EIF5B: variants seen among roughly 807,000 people sequenced by gnomAD.
The protein encoded by EIF5B is eIF-5B.
EIF5B carries 47 observed loss-of-function variants against 147.5 expected under a neutral mutation model. The ratio of observed to expected loss-of-function variants is 0.32; its 90% CI spans 0.25 to 0.41. EIF5B has a LOEUF of 0.41. EIF5B is among the 10% of genes least tolerant of loss of function. The pLI, the probability that EIF5B is intolerant of heterozygous loss-of-function variation, is 1.00. For synonymous variants in EIF5B, 455 were observed against 456.2 expected, an observed-to-expected ratio of 1.00 and a Z score of 0.03; for missense variants, 1,064 against 1,413.2, an observed-to-expected ratio of 0.75 and a Z score of 3.96.
chr2:99,343,293 G>C (rs1259254190), intron 1 of EIF5B, among the ~76,000 whole-genome samples: 1 of 151,064 alleles, frequency 6.6e-6, no homozygotes, highest in Non-Finnish European at 1.5e-5. Context: ...AAGAGGTCTT[G>C]ATATAGTCTG....
chr2:99,399,079 C>CT (rs1186671128), intron 23 of EIF5B, 170 bp downstream of exon 23: 2 of 872,700 alleles, frequency 2.3e-6, no homozygotes, highest in Non-Finnish European at 3.4e-6. Flanking sequence ...GGAAGTTGCT[C>CT]TATCAGGAAA....
At chr2:99,359,908 A>G (rs1451779090) in intron 1 of EIF5B, among the ~76,000 whole-genome samples, 1 of 152,178 alleles carries the variant, frequency 6.6e-6, no homozygotes, top group Non-Finnish European at 1.5e-5. Context: ...ATGTTTTAAG[A>G]TCTCCCATTT....
intron 7 of EIF5B, 98 bp downstream of exon 7, chr2:99,368,689 C>G: frequency 3.5e-6 from 3 of 856,564 alleles, no homozygotes; most frequent in Non-Finnish European, 3.7e-6. Flanking sequence ...GGAAAAAATC[C>G]GAAATGCATA....
rs553793572 is a variant in EIF5B at position 99,393,716 on chromosome 2, T to C, written c.2881-551T>C. Among the ~76,000 whole-genome samples the C allele has an allele frequency of 3.1e-4, 47 of 152,132 alleles. 1 individual carries two copies. The highest frequency in any genetic ancestry group is 6.3e-4 in the Non-Finnish European group (43 of 68,028). On this transcript the variant is annotated intron_variant, in intron 18 of 23. Transcript: ENST00000289371. ...AGCTATCTTAGGGCCAGTGAGAGAA[T>C]AGGGCAGGCCTGTCTCTTCACCCAG...
intron 1 of EIF5B, among the ~76,000 whole-genome samples, chr2:99,341,583 G>A (rs979802390): frequency 1.3e-5 from 2 of 152,166 alleles, no homozygotes; most frequent in African/African-American, 2.4e-5. Context: ...AGTGTCAGTG[G>A]TTAGGTTAGA....
At chr2:99,352,630 C>A (rs1673995114) in intron 1 of EIF5B, among the ~76,000 whole-genome samples, 1 of 151,538 alleles carries the variant, frequency 6.6e-6, no homozygotes, top group African/African-American at 2.4e-5. Context: ...GCATGTGCCA[C>A]CGTGCCTGGC....
In EIF5B at chr2:99,371,683, G is replaced by A; in HGVS notation, c.1505G>A (p.Gly502Glu). 1.2e-6 allele frequency: 2 copies of A among 1,613,158 alleles called. No individual in the cohort carries two copies. The highest frequency in any genetic ancestry group is 1.7e-6 in the Non-Finnish European group (2 of 1,179,528). Residue 502 changes from glycine (G) to glutamate (E), a missense_variant, in exon 9 of 24, where the codon GGA becomes GAA. By Grantham distance (98) the Gly-to-Glu change is moderately conservative. Around this residue, in one of 4 missense-constraint regions of EIF5B, gnomAD observed 195 missense variants for 186.3 expected, o/e 1.05. Transcript: ENST00000289371. ...GAAGAAGAAGATACTGAGGATGCTGGATTGGATGATTGGGAAGCTATGGCC... is the reference window on the plus strand; with the variant it reads ...GAAGAAGAAGATACTGAGGATGCTGAATTGGATGATTGGGAAGCTATGGCC... Reference protein sequence around the residue: ...PEEEEDTEDAGLDDWEAMASD... With the variant: ...PEEEEDTEDAELDDWEAMASD...
chr2:99,367,023 G>A (rs1674341233), intron 6 of EIF5B, among the ~76,000 whole-genome samples: 1 of 152,164 alleles, frequency 6.6e-6, no homozygotes, highest in Non-Finnish European at 1.5e-5. Context: ...AATTCCCACT[G>A]TATAAAAATT....
chr2:99,377,094 C>G (rs966600304), intron 10 of EIF5B, among the ~76,000 whole-genome samples: 4 of 152,092 alleles, frequency 2.6e-5, no homozygotes, highest in Admixed American at 6.6e-5. Flanking sequence ...ATTTTTCCTA[C>G]TTAATGCAGT....
At chr2:99,389,880 C>T in intron 15 of EIF5B, 31 bp downstream of exon 15, 1 of 1,585,054 alleles carries the variant, frequency 6.3e-7, no homozygotes, top group Non-Finnish European at 8.5e-7. Context: ...TCTGAAGAGC[C>T]TATCTCAGAA....
In EIF5B at chr2:99,383,059, TG is replaced by T. The variant is rs1178557044; in HGVS notation, c.2271+139del. On this transcript the variant is annotated intron_variant, in intron 14 of 23. Transcript: ENST00000289371. ...TATATTGTGCTTCACAGATATTGTG[TG>T]TGTGTGTGTATTTGTGTATAGTTTT... The T allele has an allele frequency of 1.3e-5, 12 of 905,536 alleles. No homozygotes were observed. The African/African-American group carries it at 2.1e-4, about 16-fold the overall frequency. 56.1% of individuals were successfully genotyped at this position (905,536 alleles called of 1,614,324 possible). A position where few individuals can be genotyped will look rare whatever the true frequency, so the allele number is the denominator to read the frequency against.
chr2:99,400,968 A>G lies in EIF5B; in HGVS notation c.*1554A>G, dbSNP rs554858164. ...CAAAATATACATACAGTTCTTTATT[A>G]AACAACTGTAAACACTTCACTGTAA... On this transcript the variant is annotated 3_prime_UTR_variant, in exon 24 of 24. Transcript: ENST00000289371. 9.3e-6 allele frequency: 2 copies of G among 215,904 alleles called. No individual in the cohort carries two copies. Among genetic ancestry groups the G allele is most frequent in the Admixed American group, 1.1e-4 (2 of 18,950 alleles). 13.4% of individuals were successfully genotyped at this position (215,904 alleles called of 1,614,324 possible).
At chr2:99,338,285 A>G (rs773558108) in intron 1 of EIF5B, 2 of 1,283,806 alleles carry the variant, frequency 1.6e-6, no homozygotes, top group South Asian at 1.2e-5. Flanking sequence ...TGCTTTGGGG[A>G]GGGAGGATAA....
At chr2:99,341,691 A>G (rs1006927064) in intron 1 of EIF5B, among the ~76,000 whole-genome samples, 3 of 152,238 alleles carry the variant, frequency 2.0e-5, no homozygotes, top group Admixed American at 1.3e-4. Flanking sequence ...TCTACCAGTT[A>G]CAGGTATTAC....
intron 14 of EIF5B, among the ~76,000 whole-genome samples, chr2:99,385,066 G>A (rs1387228539): frequency 6.6e-6 from 1 of 151,088 alleles, no homozygotes; most frequent in Non-Finnish European, 1.5e-5. Flanking sequence ...TTTTTTTTGA[G>A]ACAGAGTTTC....
chr2:99,373,422 T>C (rs1674495714), intron 9 of EIF5B, among the ~76,000 whole-genome samples: 1 of 152,164 alleles, frequency 6.6e-6, no homozygotes, highest in Non-Finnish European at 1.5e-5. Context: ...TGTCTTCACA[T>C]GATGGAAGGG....
intron 18 of EIF5B, among the ~76,000 whole-genome samples, chr2:99,394,016 A>G (rs561238943): frequency 3.9e-5 from 6 of 152,340 alleles, no homozygotes; most frequent in African/African-American, 1.2e-4. Context: ...GTATTTGCCA[A>G]GTGGAGCGGA....
At chr2:99,357,431 A>C (rs1674116885) in intron 1 of EIF5B, among the ~76,000 whole-genome samples, 1 of 152,236 alleles carries the variant, frequency 6.6e-6, no homozygotes, top group Non-Finnish European at 1.5e-5. Flanking sequence ...ATTGTTATGA[A>C]TATTAAGTGA....
At chr2:99,369,666 A>C (rs896401714) in intron 8 of EIF5B, among the ~76,000 whole-genome samples, 185 bp downstream of exon 8, 1 of 152,178 alleles carries the variant, frequency 6.6e-6, no homozygotes, top group Admixed American at 6.5e-5. Context: ...TAAGTATCCA[A>C]GTGAGACTTG....
Sources: allele counts gnomAD v4.1 joint callset (sites outside exome capture counted in the v4.1 genomes callset), GRCh38; gene constraint gnomAD v4.1.1; regional missense constraint gnomAD v4.1.1; transcripts MANE v1.5; gene names NCBI Gene and HGNC (gene_info 2026-07-23, HGNC 2026-07-21).